DENND4C: variants seen among roughly 807,000 people sequenced by gnomAD.
The protein encoded by DENND4C is DENN domain containing 4C.
Under a neutral mutation model 203.0 loss-of-function variants are expected in DENND4C, and 108 were observed. That is an observed-to-expected ratio of 0.53 (90% CI 0.46 to 0.62). DENND4C has a LOEUF of 0.62. Ranked by LOEUF, DENND4C falls within the 20% of genes least tolerant of loss-of-function variation. The pLI is 0.00. For synonymous variants in DENND4C, 871 were observed against 792.4 expected (o/e 1.10, Z -1.67); for missense variants, 2,481 against 2,301.2 (o/e 1.08, Z -1.60).
chr9:19,323,352 C>A (rs1221373254), intron 12 of DENND4C, among the ~76,000 whole-genome samples: 1 of 151,710 alleles, frequency 6.6e-6, no homozygotes, highest in Non-Finnish European at 1.5e-5. Context: ...ATCACTTAAA[C>A]CTGGGAGGCA....
chr9:19,288,766 A>T, intron 4 of DENND4C, 101 bp downstream of exon 4: 1 of 550,906 alleles, frequency 1.8e-6, no homozygotes, highest in Non-Finnish European at 2.7e-6. Flanking sequence ...TAGTTTGTAG[A>T]ATTGATCTAT....
At chr9:19,231,088 G>T (rs924025686) in intron 1 of DENND4C, among the ~76,000 whole-genome samples, 2 of 152,218 alleles carry the variant, frequency 1.3e-5, no homozygotes, top group Admixed American at 1.3e-4. Context: ...TGCCCCTGAA[G>T]AGCCTCCCCG....
At chr9:19,348,792 G>A (rs74831850) in intron 23 of DENND4C, among the ~76,000 whole-genome samples, 7,172 of 147,384 alleles carry the variant, frequency 0.049, 529 homozygotes, top group African/African-American at 0.16. Context: ...TGATAAAAAA[G>A]AAAAAAAAAA....
chr9:19,335,058 A>T lies in DENND4C; in HGVS notation c.2542A>T (p.Thr848Ser). The T allele has an allele frequency of 6.2e-7, 1 of 1,612,926 alleles. No homozygotes were observed. The highest frequency in any genetic ancestry group is 1.1e-5 in the South Asian group (1 of 90,930). ...AGTGAGAGTCTTATTTGAAATGAAA[A>T]CTGCTAGGATAAAGCCTAATGCTAT... ...LAVRVLFEMK[T>S]ARIKPNAITY... Residue 848 changes from threonine to serine, a missense_variant, in exon 18 of 33, where the codon ACT (threonine) becomes TCT (serine). Thr to Ser is a moderately conservative substitution (Grantham distance 58, BLOSUM62 1). Coordinates refer to ENST00000434457, the MANE Select transcript of DENND4C (RefSeq NM_001330640.2).
In DENND4C at chr9:19,276,138, C is replaced by A; in HGVS notation, c.-17-20C>A. On this transcript the variant is annotated intron_variant, in intron 1 of 32. Transcript: ENST00000434457. ...ATAAAGTATTTTATTTTATTGGTAT[C>A]TTTCCCCTCCCTCTTCTAGAAAATA... is the stretch of plus-strand genomic sequence containing the variant. The A allele has an allele frequency of 8.6e-7, 1 of 1,168,164 alleles. No homozygotes were observed. Among genetic ancestry groups the A allele is most frequent in the Non-Finnish European group, 1.1e-6 (1 of 929,806 alleles). 72.4% of individuals were successfully genotyped at this position (1,168,164 alleles called of 1,614,324 possible). A position where few individuals can be genotyped will look rare whatever the true frequency, so the allele number is the denominator to read the frequency against.
intron 30 of DENND4C, among the ~76,000 whole-genome samples, chr9:19,365,210 A>G (rs551020017): frequency 6.6e-6 from 1 of 152,372 alleles, no homozygotes; most frequent in Admixed American, 6.5e-5. Flanking sequence ...ACACCATGAC[A>G]AAGTGGGATT....
intron 30 of DENND4C, among the ~76,000 whole-genome samples, chr9:19,368,174 G>A (rs911452234): frequency 6.6e-6 from 1 of 151,584 alleles, no homozygotes; most frequent in Non-Finnish European, 1.5e-5. Flanking sequence ...ACTATTCAAA[G>A]TCTATCATTT....
chr9:19,294,852 TAGAA>T (rs1037713632), intron 5 of DENND4C, among the ~76,000 whole-genome samples: 2 of 152,102 alleles, frequency 1.3e-5, no homozygotes, highest in Non-Finnish European at 2.9e-5. Context: ...CTTATAGAGA[TAGAA>T]AGTACAATAG....
At chr9:19,321,925 G>C (rs1046066223) in intron 12 of DENND4C, among the ~76,000 whole-genome samples, 1 of 151,972 alleles carries the variant, frequency 6.6e-6, no homozygotes, top group East Asian at 1.9e-4. Context: ...TCATGTGATG[G>C]TTTGTCCTTA....
chr9:19,332,599 A>C (rs1819481148), intron 17 of DENND4C, among the ~76,000 whole-genome samples: 1 of 148,990 alleles, frequency 6.7e-6, no homozygotes. Flanking sequence ...TCCTGGCCTC[A>C]AGTGATCTGC....
intron 1 of DENND4C, among the ~76,000 whole-genome samples, chr9:19,251,511 C>T (rs1019828790): frequency 1.9e-4 from 29 of 152,232 alleles, no homozygotes; most frequent in African/African-American, 7.0e-4. Context: ...ATGTAAATTT[C>T]TGTAGCTGGC....
At chr9:19,334,023 T>A (rs978671032) in intron 17 of DENND4C, among the ~76,000 whole-genome samples, 1 of 152,054 alleles carries the variant, frequency 6.6e-6, no homozygotes, top group Non-Finnish European at 1.5e-5. Context: ...ACTTCAATTA[T>A]ACTTGATTTT....
intron 23 of DENND4C, among the ~76,000 whole-genome samples, chr9:19,349,269 G>T (rs555269349): frequency 6.6e-6 from 1 of 152,054 alleles, no homozygotes; most frequent in African/African-American, 2.4e-5. Flanking sequence ...TTAGCTGGGC[G>T]TGATGTCATG....
chr9:19,236,137 A>G (rs1228567072), intron 1 of DENND4C, among the ~76,000 whole-genome samples: 4 of 151,960 alleles, frequency 2.6e-5, no homozygotes, highest in Admixed American at 2.6e-4. Flanking sequence ...CTTTTTTTAA[A>G]TTATGGAAAG....
At chr9:19,236,542 G>A (rs1030028467) in intron 1 of DENND4C, among the ~76,000 whole-genome samples, 12 of 152,180 alleles carry the variant, frequency 7.9e-5, no homozygotes, top group Non-Finnish European at 1.8e-4. Context: ...AGAGAACAGG[G>A]AGCTATTGGA....
intron 1 of DENND4C, among the ~76,000 whole-genome samples, chr9:19,246,995 T>C (rs1825442586): frequency 6.6e-6 from 1 of 152,208 alleles, no homozygotes; most frequent in African/African-American, 2.4e-5. Flanking sequence ...CTTTCCAGGC[T>C]GGCTCTTTTG....
At position 19,256,442 on chromosome 9, in the gene DENND4C, G is replaced by A. The variant is rs182597989; in HGVS notation, c.-17-19716G>A. ...AGCGATTCTCCTGTCGCAGCCTCCC[G>A]AGTAGCTGGGATTACAGGCATGCGC... On this transcript the variant is annotated intron_variant, in intron 1 of 32. Coordinates refer to ENST00000434457, the MANE Select transcript of DENND4C (RefSeq NM_001330640.2). Among the ~76,000 whole-genome samples, 830 of 150,584 alleles carry A rather than the reference G, an allele frequency of 5.5e-3. 5 individuals carry two copies. Among genetic ancestry groups the A allele is most frequent in the Non-Finnish European group, 8.4e-3 (570 of 67,768 alleles).
chr9:19,269,419 A>T (rs1372291507), intron 1 of DENND4C, among the ~76,000 whole-genome samples: 1 of 152,160 alleles, frequency 6.6e-6, no homozygotes, highest in Admixed American at 6.5e-5. Context: ...TCGGCCTCCC[A>T]AAATGCTGGG....
At chr9:19,258,489 C>T (rs1828532173) in intron 1 of DENND4C, among the ~76,000 whole-genome samples, 1 of 152,124 alleles carries the variant, frequency 6.6e-6, no homozygotes, top group South Asian at 2.1e-4. Context: ...AAAAGGATGA[C>T]AGATCATGAC....
Sources: gnomAD v4.1 joint callset for allele counts (sites outside exome capture counted in the v4.1 genomes callset) on GRCh38, gnomAD v4.1.1 for gene constraint, MANE v1.5 for transcripts, NCBI Gene and HGNC (gene_info 2026-07-23, HGNC 2026-07-21) for gene names.